Variants in RNF213 observed in about 807,000 individuals in gnomAD.
RNF213 encodes ring finger protein 213, also known as E3 ubiquitin-protein ligase RNF213.
RNF213 carries 341 observed loss-of-function variants against 514.4 expected under a neutral mutation model. That is an observed-to-expected ratio of 0.66 (90% confidence interval 0.61 to 0.73). RNF213 has a LOEUF of 0.73. RNF213 is among the 30% of genes least tolerant of loss of function. The pLI, the probability that RNF213 is intolerant of heterozygous loss-of-function variation, is 0.00. For missense variants in RNF213, 5,767 were observed against 6,615.6 expected, an observed-to-expected ratio of 0.87 and a Z score of 4.45; for synonymous variants, 2,655 against 2,658.2, an observed-to-expected ratio of 1.00 and a Z score of 0.04.
intron 46 of RNF213, 119 bp from the exon 47 acceptor site, chr17:80,371,745 CGTATATGTAT>C (rs2144505894): frequency 1.6e-6 from 1 of 629,138 alleles, no homozygotes; most frequent in East Asian, 2.8e-5. Context: ...TTAGAAACCA[CGTATATGTAT>C]GTATATGTTT....
At chr17:80,344,655 T>C (rs779758273) in intron 28 of RNF213, 23 bp from the exon 29 acceptor site, 2 of 1,613,696 alleles carry the variant, frequency 1.2e-6, no homozygotes, top group Admixed American at 3.3e-5. Flanking sequence ...TGTAACCATT[T>C]CATTAATGTC....
Position 80,294,958 on chromosome 17 carries a change from AG to A in RNF213, c.1712del (p.Gly571AspfsTer16), listed in dbSNP as rs1412759610. The A allele has an allele frequency of 6.2e-7, 1 of 1,614,178 alleles. No individual in the cohort carries two copies. Among genetic ancestry groups the A allele is most frequent in the Non-Finnish European group, 8.5e-7 (1 of 1,180,026 alleles). On this transcript the variant is annotated frameshift_variant, in exon 9 of 68. Coordinates refer to ENST00000582970, the MANE Select transcript of RNF213 (RefSeq NM_001256071.3). LOFTEE classifies it high-confidence loss of function. ...TCCTGCAACAGCCTATGATTTATGAAGGACAGGCACAGCTGTGGACCGATTT... is the reference window on the plus strand; with the variant it reads ...TCCTGCAACAGCCTATGATTTATGAAGACAGGCACAGCTGTGGACCGATTT... ...FVLQQPMIYEGQAQLWTDLQY... is the reference protein window; with the variant it reads ...FVLQQPMIYEXQAQLWTDLQY...
intron 39 of RNF213, 131 bp downstream of exon 39, chr17:80,362,019 G>A (rs1268647801): frequency 8.4e-6 from 9 of 1,077,440 alleles, no homozygotes; most frequent in South Asian, 2.6e-5. Flanking sequence ...CATGGTCAGC[G>A]AAGGGTGCCG....
At chr17:80,275,311 C>G (rs2044015066) in intron 3 of RNF213, among the ~76,000 whole-genome samples, 1 of 151,806 alleles carries the variant, frequency 6.6e-6, no homozygotes, top group Admixed American at 6.6e-5. Flanking sequence ...GGGTAACTCC[C>G]TTTTTATGCC....
In RNF213 at chr17:80,345,983, G is replaced by A. The variant is rs1295214083; in HGVS notation, c.7648G>A (p.Glu2550Lys). ...SAGLGYRVSM[E>K]ETADRLGSIP... ...TGGTTTGGGCTACAGGGTTAGTATG[G>A]AGGAGACGGCCGACAGGCTGGGCTC... Residue 2550 changes from glutamate (E) to lysine (K), a missense_variant, in exon 29 of 68, where the codon GAG becomes AAG. Physicochemically the swap from Glu to Lys is moderately conservative, Grantham distance 56. Transcript: ENST00000582970. This position sits in a 1 kb window ranked among gnomAD's most constrained non-coding sequence, Gnocchi z 6.0. The A allele has an allele frequency of 1.2e-6, 2 of 1,614,218 alleles. No individual in the cohort carries two copies. Among genetic ancestry groups the A allele is most frequent in the South Asian group, 2.2e-5 (2 of 91,084 alleles).
intron 36 of RNF213, 128 bp downstream of exon 36, chr17:80,354,704 C>G (rs1424703965): frequency 8.1e-7 from 1 of 1,236,016 alleles, no homozygotes; most frequent in East Asian, 2.5e-5. Flanking sequence ...CTCAGCCATT[C>G]AAAGCTGTAA....
chr17:80,349,649 G>T, intron 29 of RNF213, 121 bp from the exon 30 acceptor site: 1 of 1,126,814 alleles, frequency 8.9e-7, no homozygotes, highest in Non-Finnish European at 1.3e-6. Flanking sequence ...ATTCTGTGCC[G>T]TTGTGTGGCA....
chr17:80,265,395 G>A (rs997461659), intron 2 of RNF213, among the ~76,000 whole-genome samples: 11 of 152,208 alleles, frequency 7.2e-5, no homozygotes, highest in African/African-American at 2.4e-4. Context: ...CTGGTAGTGC[G>A]CAGCATGAAC....
Position 80,336,825 on chromosome 17 carries a change from C to T in RNF213, c.4527+447C>T, listed in dbSNP as rs950220089. 1.7e-4 allele frequency: 53 copies of T among 318,574 alleles called. No individual in the cohort carries two copies. The East Asian group carries it at 1.7e-3, about 10-fold the overall frequency. The allele number at this position is 318,574 out of a possible 1,614,324, so 19.7% of individuals were successfully genotyped here. The stretch of plus-strand genomic sequence containing the variant: ...AGGCTGAGACAGAATTGCTTGAACC[C>T]GGGAGGCAGAGATAGCAGTGAACTG... On this transcript the variant is annotated intron_variant, in intron 23 of 67. Transcript: ENST00000582970.
At position 80,317,278 on chromosome 17, in the gene RNF213, G is replaced by T; in HGVS notation, c.2901+1G>T. Reference sequence around the variant, plus strand: ...AGACATGGAATGGAGGCTCACAAAGGTACCAAAAGTTTGGGGGCAGTCTTT... The same window carrying T: ...AGACATGGAATGGAGGCTCACAAAGTTACCAAAAGTTTGGGGGCAGTCTTT... On this transcript the variant is annotated splice_donor_variant, in intron 16 of 67. Coordinates refer to ENST00000582970, the MANE Select transcript of RNF213 (RefSeq NM_001256071.3). LOFTEE classifies it high-confidence loss of function. The surrounding 1 kb of genome is among the most constrained non-coding windows in gnomAD (Gnocchi z 4.1). 6.2e-7 allele frequency: 1 copy of T among 1,612,032 alleles called. No homozygotes were observed. The highest frequency in any genetic ancestry group is 1.1e-5 in the South Asian group (1 of 90,068).
Position 80,302,275 on chromosome 17 carries a change from G to T in RNF213, c.2210+3757G>T, listed in dbSNP as rs200314393. The stretch of plus-strand genomic sequence containing the variant: ...TTTTTCAAATAGCTGGAAGAGTGGA[G>T]TTTGAATGTTTCCAACACAAAGAAA... On this transcript the variant is annotated intron_variant, in intron 11 of 67. Transcript: ENST00000582970. 9.9e-5 allele frequency among the ~76,000 whole-genome samples: 15 copies of T among 152,216 alleles called. No individual in the cohort carries two copies. The East Asian group carries it at 2.9e-3, about 29-fold the overall frequency.
chr17:80,363,168 G>A lies in RNF213; in HGVS notation c.11422G>A (p.Glu3808Lys), dbSNP rs778092772. ...AGCGGCGTCAGAAGCGCCCGAGGAA[G>A]AGGTTTCCTTACCGTGGGTGCACCT... ...LKAASEAPEE[E>K]VSLPWVHLAY... The change falls in exon 40 of 68, where the codon GAG becomes AAG. Residue 3808 changes from glutamate (E) to lysine (K), a missense_variant. By Grantham distance (56) the Glu-to-Lys change is moderately conservative. Around this residue, in one of 13 missense-constraint regions of RNF213, gnomAD observed 355 missense variants for 358.0 expected, o/e 0.99. Transcript: ENST00000582970. The A allele has an allele frequency of 6.2e-7, 1 of 1,614,130 alleles. No homozygotes were observed. Among genetic ancestry groups the A allele is most frequent in the African/African-American group, 1.3e-5 (1 of 74,950 alleles).
rs761110619 is a variant in RNF213, at chr17:80,372,627, G to C, written c.12644G>C (p.Arg4215Pro). 1 of 1,613,920 alleles carries C rather than the reference G, an allele frequency of 6.2e-7. No individual in the cohort carries two copies. The highest frequency in any genetic ancestry group is 2.2e-5 in the East Asian group (1 of 44,878). ...LKAYSPASRG[R>P]EPANEASVEY... Reference sequence around the variant, plus strand: ...GCATATTCTCCAGCAAGCCGGGGCCGAGAGCCTGCCAACGAGGCCTCGGTT... The same window carrying C: ...GCATATTCTCCAGCAAGCCGGGGCCCAGAGCCTGCCAACGAGGCCTCGGTT... The change falls in exon 48 of 68, where the codon CGA (arginine) becomes CCA (proline). Residue 4215 changes from arginine to proline, a missense_variant. Physicochemically the swap from Arg to Pro is moderately radical, Grantham distance 103. Coordinates refer to ENST00000582970, the MANE Select transcript of RNF213 (RefSeq NM_001256071.3).
intron 3 of RNF213, among the ~76,000 whole-genome samples, chr17:80,275,531 C>T (rs984665363): frequency 2.6e-5 from 4 of 152,042 alleles, no homozygotes; most frequent in African/African-American, 9.7e-5. Context: ...CACACAAATG[C>T]TCGAGCAGGA....
At chr17:80,364,311 A>C (rs2079170115) in intron 41 of RNF213, 122 bp from the exon 42 acceptor site, 1 of 1,380,414 alleles carries the variant, frequency 7.2e-7, no homozygotes, top group Non-Finnish European at 1.0e-6. Flanking sequence ...CTTGCTTGTA[A>C]TCCCAGCCGC....
intron 54 of RNF213, 118 bp from the exon 55 acceptor site, chr17:80,379,502 G>C: frequency 1.0e-6 from 1 of 964,064 alleles, no homozygotes; most frequent in East Asian, 2.4e-5. Context: ...CACACACTGG[G>C]ACAATCTGAG....
chr17:80,284,266 A>G (rs935015981), intron 3 of RNF213, among the ~76,000 whole-genome samples: 13 of 152,184 alleles, frequency 8.5e-5, no homozygotes, highest in African/African-American at 3.1e-4. Flanking sequence ...TGGGAGGCTG[A>G]GGCAGGATAA....
chr17:80,282,962 T>C (rs1259411122), intron 3 of RNF213, among the ~76,000 whole-genome samples: 1 of 151,218 alleles, frequency 6.6e-6, no homozygotes, highest in African/African-American at 2.4e-5. Flanking sequence ...TCTCTCAAAG[T>C]GCTGGGATTA....
intron 65 of RNF213, 124 bp from the exon 66 acceptor site, chr17:80,389,704 C>T (rs1234236995): frequency 2.7e-5 from 23 of 851,478 alleles, no homozygotes; most frequent in Middle Eastern, 3.3e-4. Flanking sequence ...AGGGAGATCA[C>T]ATTAGTACAG....
Sources: allele counts gnomAD v4.1 joint callset (sites outside exome capture counted in the v4.1 genomes callset), GRCh38; gene constraint gnomAD v4.1.1; regional missense constraint gnomAD v4.1.1; non-coding constraint Gnocchi (gnomAD v3.1); transcripts MANE v1.5; gene names NCBI Gene and HGNC (gene_info 2026-07-23, HGNC 2026-07-21).